CRACD: variants seen among roughly 807,000 people sequenced by gnomAD.
CRACD encodes capping protein-inhibiting regulator of actin dynamics.
CRACD carries 56 observed loss-of-function variants against 106.8 expected under a neutral mutation model. The observed-to-expected ratio is 0.52, with a 90% CI of 0.42 to 0.66. CRACD has a LOEUF of 0.66. CRACD is among the 30% of genes least tolerant of loss of function. The pLI, the probability that CRACD is intolerant of heterozygous loss-of-function variation, is 0.00. For synonymous variants in CRACD, 754 were observed against 670.8 expected, an observed-to-expected ratio of 1.12 and a Z score of -1.92; for missense variants, 1,730 against 1,623.2, an observed-to-expected ratio of 1.07 and a Z score of -1.13.
chr4:56,091,954 G>A (rs1285493043), intron 1 of CRACD, among the ~76,000 whole-genome samples: 2 of 152,124 alleles, frequency 1.3e-5, no homozygotes, highest in Non-Finnish European at 2.9e-5. Context: ...AGGCTGACAC[G>A]GGAGACTCGC....
intron 2 of CRACD, among the ~76,000 whole-genome samples, chr4:56,202,862 A>C (rs554294431): frequency 2.6e-5 from 4 of 152,336 alleles, no homozygotes; most frequent in East Asian, 1.9e-4. Flanking sequence ...TATCACCTAG[A>C]GATAATAGTA....
chr4:56,154,263 T>C (rs1245434756), intron 1 of CRACD, among the ~76,000 whole-genome samples: 2 of 150,794 alleles, frequency 1.3e-5, no homozygotes, highest in African/African-American at 2.5e-5. Flanking sequence ...CCCCAGGAGT[T>C]TGAGACCAGG....
At position 56,197,091 on chromosome 4, in the gene CRACD, A is replaced by T. The variant is rs544454036; in HGVS notation, c.-189+17661A>T. On this transcript the variant is annotated intron_variant, in intron 2 of 10. Transcript: ENST00000682029. ...CATCCTTCAATAATACCAGATAAAT[A>T]AGAATTATCATAATATATTACATTG... 8.5e-5 allele frequency among the ~76,000 whole-genome samples: 13 copies of T among 152,304 alleles called. 1 individual carries two copies. The South Asian group carries it at 2.5e-3, about 29-fold the overall frequency.
chr4:56,151,407 T>C (rs1392765042), intron 1 of CRACD, among the ~76,000 whole-genome samples: 2 of 152,102 alleles, frequency 1.3e-5, no homozygotes, highest in Non-Finnish European at 2.9e-5. Flanking sequence ...CTTTTTTTTT[T>C]AACAGTCTCA....
chr4:56,207,392 C>T (rs1560483947), intron 2 of CRACD, among the ~76,000 whole-genome samples: 1 of 152,178 alleles, frequency 6.6e-6, no homozygotes, highest in African/African-American at 2.4e-5. Context: ...AGAGACCTAA[C>T]ATGTGCTGCC....
intron 1 of CRACD, among the ~76,000 whole-genome samples, chr4:56,118,418 G>A (rs1251048521): frequency 6.6e-6 from 1 of 152,186 alleles, no homozygotes; most frequent in Non-Finnish European, 1.5e-5. Context: ...AAATCTATGA[G>A]AAGGAACAGA....
rs563776240 is a variant in CRACD at position 56,184,995 on chromosome 4, C to T, written c.-189+5565C>T. On this transcript the variant is annotated intron_variant, in intron 2 of 10. Coordinates refer to ENST00000682029, the MANE Select transcript of CRACD (RefSeq NM_001393381.1). Reference sequence around the variant, plus strand: ...TTTTTGAGACGGAGTCTTGCTCAGTCGCCCAGGCTGGAGTGCAGTGGCGCG... The same window carrying T: ...TTTTTGAGACGGAGTCTTGCTCAGTTGCCCAGGCTGGAGTGCAGTGGCGCG... Among the ~76,000 whole-genome samples, 5 of 152,262 alleles carry T rather than the reference C, an allele frequency of 3.3e-5. 1 individual carries two copies. Among genetic ancestry groups the T allele is most frequent in the African/African-American group, 4.8e-5 (2 of 41,556 alleles).
intron 1 of CRACD, among the ~76,000 whole-genome samples, chr4:56,150,146 G>A (rs1170840407): frequency 1.3e-5 from 2 of 152,144 alleles, no homozygotes; most frequent in Admixed American, 6.5e-5. Flanking sequence ...ACCACTTAGT[G>A]GTTACATTTG....
At chr4:56,149,440 GA>G (rs1322740500) in intron 1 of CRACD, among the ~76,000 whole-genome samples, 1 of 152,136 alleles carries the variant, frequency 6.6e-6, no homozygotes, top group African/African-American at 2.4e-5. Context: ...GAAATGGAAA[GA>G]AAAGAAGATT....
chr4:56,084,694 T>TAGGA (rs1733156178), intron 1 of CRACD, among the ~76,000 whole-genome samples: 2 of 152,202 alleles, frequency 1.3e-5, no homozygotes, highest in African/African-American at 4.8e-5. Context: ...TGCCCTTTCC[T>TAGGA]AGTAATTGAT....
rs749262656 is a variant in CRACD at position 56,314,832 on chromosome 4, C to T, written c.1330C>T (p.His444Tyr). Residue 444 changes from histidine (H) to tyrosine (Y), a missense_variant, in exon 8 of 11, where the codon CAC becomes TAC. Physicochemically the swap from His to Tyr is moderately conservative, Grantham distance 83. This residue lies in a region of CRACD where 1,620 missense variants were observed against 1,481.6 expected (regional missense o/e 1.09). Coordinates refer to ENST00000682029, the MANE Select transcript of CRACD (RefSeq NM_001393381.1). The surrounding 1 kb of genome is among the most constrained non-coding windows in gnomAD (Gnocchi z 4.4). ...ERLKPEGQREHSEEPGICEEQ... is the reference protein window; with the variant it reads ...ERLKPEGQREYSEEPGICEEQ... ...CCTGAAACCCGAAGGACAAAGAGAA[C>T]ACTCCGAGGAGCCAGGTATTTGCGA... The T allele has an allele frequency of 6.2e-7, 1 of 1,610,874 alleles. No individual in the cohort carries two copies. Among genetic ancestry groups the T allele is most frequent in the Non-Finnish European group, 8.5e-7 (1 of 1,179,140 alleles).
chr4:56,322,124 A>T (rs1334691049), intron 8 of CRACD, among the ~76,000 whole-genome samples: 5 of 152,210 alleles, frequency 3.3e-5, no homozygotes, highest in Non-Finnish European at 7.3e-5. Context: ...ATCTCTGAAC[A>T]TGCATAATTT....
intron 2 of CRACD, among the ~76,000 whole-genome samples, chr4:56,211,906 C>T (rs1446495035): frequency 6.6e-6 from 1 of 152,176 alleles, no homozygotes; most frequent in African/African-American, 2.4e-5. Flanking sequence ...AGGCTTTAAA[C>T]TGTCTTTGGC....
chr4:56,218,444 TCCCCTCCCTTTCC>T (rs1738839687), intron 2 of CRACD, among the ~76,000 whole-genome samples: 1 of 84,504 alleles, frequency 1.2e-5, no homozygotes, highest in Non-Finnish European at 2.6e-5. Flanking sequence ...TCCCTTTCCA[TCCCCTCCCTTTCC>T]TTCCCCTGCC....
chr4:56,052,039 A>G (rs2109775239), intron 1 of CRACD, among the ~76,000 whole-genome samples: 1 of 152,304 alleles, frequency 6.6e-6, no homozygotes, highest in African/African-American at 2.4e-5. Flanking sequence ...ATGTAAAGCA[A>G]TGGCTTTTAA....
chr4:56,072,807 C>T (rs1485029462), intron 1 of CRACD, among the ~76,000 whole-genome samples: 1 of 152,040 alleles, frequency 6.6e-6, no homozygotes, highest in Admixed American at 6.6e-5. Flanking sequence ...TCCCTGTACT[C>T]ATATGTTCTC....
chr4:56,246,821 T>G (rs1164332144), intron 2 of CRACD: 1 of 152,226 alleles, frequency 6.6e-6, no homozygotes, highest in Non-Finnish European at 1.5e-5. Context: ...GAATATAGCT[T>G]GCAGCTTCCT....
chr4:56,227,151 C>T (rs892938610), intron 2 of CRACD, among the ~76,000 whole-genome samples: 1 of 152,164 alleles, frequency 6.6e-6, no homozygotes, highest in African/African-American at 2.4e-5. Context: ...AAGTGGTCAA[C>T]ATAATGTGAG....
rs1303372360 is a variant in CRACD, at chr4:56,330,169, G to T, written c.*2365G>T. On this transcript the variant is annotated 3_prime_UTR_variant, in exon 11 of 11. Coordinates refer to ENST00000682029, the MANE Select transcript of CRACD (RefSeq NM_001393381.1). ...TTCAAGACTTTTTTTTTAAATGAAT[G>T]ATCACTATGTTAAATGCAAACTTTT... 6.8e-6 allele frequency among the ~76,000 whole-genome samples: 1 copy of T among 148,002 alleles called. No homozygotes were observed. Among genetic ancestry groups the T allele is most frequent in the Non-Finnish European group, 1.5e-5 (1 of 67,314 alleles).
Sources: gnomAD v4.1 joint callset for allele counts (sites outside exome capture counted in the v4.1 genomes callset) on GRCh38, gnomAD v4.1.1 for gene constraint, gnomAD v4.1.1 regional missense constraint, Gnocchi (gnomAD v3.1) non-coding constraint, MANE v1.5 for transcripts, NCBI Gene and HGNC (gene_info 2026-07-23, HGNC 2026-07-21) for gene names.